The following UBE2O variants were observed in gnomAD, a reference collection of about 807,000 sequenced individuals.
UBE2O encodes (E3-independent) E2 ubiquitin-conjugating enzyme.
A neutral mutation model predicts 125.8 loss-of-function variants in UBE2O; 15 were observed. The observed-to-expected ratio is 0.12, with a 90% CI of 0.08 to 0.18. The LOEUF (loss-of-function observed/expected upper bound fraction) is 0.18. Ranked by LOEUF, UBE2O falls within the 10% of genes least tolerant of loss-of-function variation. UBE2O has a pLI of 1.00. For synonymous variants in UBE2O, 708 were observed against 703.2 expected (o/e 1.01, Z -0.11); for missense variants, 1,280 against 1,723.6 (o/e 0.74, Z 4.56).
intron 1 of UBE2O, among the ~76,000 whole-genome samples, chr17:76,408,278 C>A (rs1477974552): frequency 1.3e-5 from 2 of 152,226 alleles, no homozygotes; most frequent in Non-Finnish European, 2.9e-5. Context: ...TTTTTCGCCT[C>A]ATGCTAACCA....
At position 76,402,176 on chromosome 17, in the gene UBE2O, A is replaced by G. The variant is rs564980712; in HGVS notation, c.687-49T>C. On this transcript the variant is annotated intron_variant, in intron 4 of 17. Transcript: ENST00000319380. This position sits in a 1 kb window ranked among gnomAD's most constrained non-coding sequence, Gnocchi z 5.4. ...GTCTCCACCAGGGGACACAGTGAGT[A>G]CCAAAAAGTTGCGATTCTGAGATGC... The G allele has an allele frequency of 6.3e-6, 10 of 1,590,346 alleles. No individual in the cohort carries two copies. The East Asian group carries it at 9.0e-5, about 14-fold the overall frequency.
In UBE2O at chr17:76,399,014, A is replaced by G; in HGVS notation, c.1629-23T>C. The G allele has an allele frequency of 6.2e-7, 1 of 1,611,662 alleles. No homozygotes were observed. Among genetic ancestry groups the G allele is most frequent in the South Asian group, 1.1e-5 (1 of 90,882 alleles). On this transcript the variant is annotated intron_variant, in intron 9 of 17. Coordinates refer to ENST00000319380, the MANE Select transcript of UBE2O (RefSeq NM_022066.4). This position sits in a 1 kb window ranked among gnomAD's most constrained non-coding sequence, Gnocchi z 6.9. Reference sequence around the variant, plus strand: ...ACCCTGCGGGTGCAGGCCAGTCAGCAGGCCATGCAAACCCCACCCCCTCCG... The same window carrying G: ...ACCCTGCGGGTGCAGGCCAGTCAGCGGGCCATGCAAACCCCACCCCCTCCG...
rs766824855 is a variant in UBE2O at position 76,405,187 on chromosome 17, G to T, written c.588+19C>A. On this transcript the variant is annotated intron_variant, in intron 3 of 17. Transcript: ENST00000319380. The surrounding 1 kb of genome is among the most constrained non-coding windows in gnomAD (Gnocchi z 6.1). ...CCAGAGGGCCCAGAAAGGATGATGA[G>T]AAGACAGGGCCGGCTCACCCAGATG... 2.0e-5 allele frequency: 31 copies of T among 1,576,800 alleles called. No individual in the cohort carries two copies. Among genetic ancestry groups the T allele is most frequent in the Non-Finnish European group, 2.5e-5 (29 of 1,152,588 alleles).
chr17:76,418,341 A>C (rs1001091040), intron 1 of UBE2O, among the ~76,000 whole-genome samples: 3 of 152,192 alleles, frequency 2.0e-5, no homozygotes, highest in Non-Finnish European at 4.4e-5. Flanking sequence ...TAACAGACTA[A>C]ACTGTACTTG....
rs574632752 is a variant in UBE2O, at chr17:76,396,261, G to A, written c.2676C>T (p.Pro892=). 2.1e-5 allele frequency: 34 copies of A among 1,614,180 alleles called. No individual in the cohort carries two copies. The highest frequency in any genetic ancestry group is 1.8e-4 in the South Asian group (16 of 91,086). Residue 892 remains proline (P), a synonymous_variant, in exon 14 of 18, where the codon CCC becomes CCT. Coordinates refer to ENST00000319380, the MANE Select transcript of UBE2O (RefSeq NM_022066.4). The surrounding 1 kb of genome is among the most constrained non-coding windows in gnomAD (Gnocchi z 6.7). ...VPDVERKEDK[P]EGQSPVKAEW... is the part of the protein sequence containing the mutation. ...CAGCCTTCACAGGTGACTGCCCCTCGGGCTTGTCCTCCTTGCGCTCTACGT... is the reference window on the plus strand; with the variant it reads ...CAGCCTTCACAGGTGACTGCCCCTCAGGCTTGTCCTCCTTGCGCTCTACGT...
chr17:76,430,227 G>C (rs2072882944), intron 1 of UBE2O, among the ~76,000 whole-genome samples: 1 of 152,052 alleles, frequency 6.6e-6, no homozygotes, highest in Admixed American at 6.5e-5. Context: ...TGTCCTTGTG[G>C]GTTTATACAT....
At chr17:76,439,036 C>A (rs1009374403) in intron 1 of UBE2O, among the ~76,000 whole-genome samples, 1 of 152,164 alleles carries the variant, frequency 6.6e-6, no homozygotes, top group African/African-American at 2.4e-5. Flanking sequence ...ATGTAAAAAA[C>A]AAATCCCAAC....
At chr17:76,434,865 T>C (rs1344518805) in intron 1 of UBE2O, among the ~76,000 whole-genome samples, 3 of 151,628 alleles carry the variant, frequency 2.0e-5, no homozygotes, top group African/African-American at 4.9e-5. Flanking sequence ...ACCTCTGTTA[T>C]AGTCCTTCCA....
In UBE2O at chr17:76,446,723, A is replaced by G. The variant is rs989536561; in HGVS notation, c.417+6002T>C. ...GTTGGAGCTCCTAATGGAGCTGACC[A>G]CTTCTGAGGCAACACAGAAATGCCA... On this transcript the variant is annotated intron_variant, in intron 1 of 17. Transcript: ENST00000319380. Among the ~76,000 whole-genome samples the G allele has an allele frequency of 3.3e-5, 5 of 152,200 alleles. 1 individual carries two copies. The highest frequency in any genetic ancestry group is 2.0e-4 in the Admixed American group (3 of 15,280).
At chr17:76,439,299 C>T (rs1028768945) in intron 1 of UBE2O, among the ~76,000 whole-genome samples, 5 of 152,206 alleles carry the variant, frequency 3.3e-5, no homozygotes, top group Non-Finnish European at 5.9e-5. Flanking sequence ...TCCTGTGCAG[C>T]CTCGCCTGCC....
In UBE2O at chr17:76,399,395, C is replaced by T. The variant is rs2072275689; in HGVS notation, c.1628+54G>A. ...GGCACGCACACCGAGGGGACGCGCACTCTGCCTGGCTTCACGCTGACGCCA... is the reference window on the plus strand; with the variant it reads ...GGCACGCACACCGAGGGGACGCGCATTCTGCCTGGCTTCACGCTGACGCCA... On this transcript the variant is annotated intron_variant, in intron 9 of 17. Transcript: ENST00000319380. The surrounding 1 kb of genome is among the most constrained non-coding windows in gnomAD (Gnocchi z 6.9). 6.4e-7 allele frequency: 1 copy of T among 1,559,880 alleles called. No homozygotes were observed. The highest frequency in any genetic ancestry group is 8.8e-7 in the Non-Finnish European group (1 of 1,139,168).
At chr17:76,431,652 G>GACTA (rs5822131) in intron 1 of UBE2O, among the ~76,000 whole-genome samples, 133,835 of 151,902 alleles carry the variant, frequency 0.88, 59,104 homozygotes, top group East Asian at 1. Context: ...GGAAAAGAAA[G>GACTA]ACTATTAGGG....
chr17:76,398,478 G>C lies in UBE2O; in HGVS notation c.1890C>G (p.Asp630Glu). 6.2e-7 allele frequency: 1 copy of C among 1,614,068 alleles called. No homozygotes were observed. The highest frequency in any genetic ancestry group is 8.5e-7 in the Non-Finnish European group (1 of 1,180,006). The change falls in exon 11 of 18, where the codon GAC (aspartate) becomes GAG (glutamate). Residue 630 changes from aspartate to glutamate, a missense_variant. By Grantham distance (45) the Asp-to-Glu change is conservative. Around this residue, in one of 10 missense-constraint regions of UBE2O, gnomAD observed 145 missense variants for 219.6 expected, o/e 0.66. Coordinates refer to ENST00000319380, the MANE Select transcript of UBE2O (RefSeq NM_022066.4). The surrounding 1 kb of genome is among the most constrained non-coding windows in gnomAD (Gnocchi z 5.4). ...KWFKLRPSGDDVELIGEEEDV... is the reference protein window; with the variant it reads ...KWFKLRPSGDEVELIGEEEDV... ...CAGTAGGGGCTGCACACACCTCCAC[G>C]TCGTCCCCACTCGGCCTCAGCTTGA...
At chr17:76,392,172 C>T (rs1045526630) in intron 15 of UBE2O, 59 bp from the exon 16 acceptor site, 11 of 1,110,452 alleles carry the variant, frequency 9.9e-6, no homozygotes, top group South Asian at 5.2e-5. Flanking sequence ...GGGTGTCCTA[C>T]ATGTGGCATC....
rs1408857814 is a variant in UBE2O at position 76,400,484 on chromosome 17, C to T, written c.961G>A (p.Val321Ile). The change falls in exon 7 of 18, where the codon GTC becomes ATC. Residue 321 changes from valine (V) to isoleucine (I), a missense_variant. Transcript: ENST00000319380. The surrounding 1 kb of genome is among the most constrained non-coding windows in gnomAD (Gnocchi z 4.3). Reference protein sequence around the residue: ...KSFCPGGTDSVSPPPSVITQE... With the variant: ...KSFCPGGTDSISPPPSVITQE... ...GTGATGACAGAGGGTGGGGGGCTGA[C>T]GCTGTCCGTGCCCCCTGGACAGAAA... is the stretch of plus-strand genomic sequence containing the variant. 27 of 1,613,170 alleles carry T rather than the reference C, an allele frequency of 1.7e-5. No homozygotes were observed. The highest frequency in any genetic ancestry group is 3.3e-5 in the Admixed American group (2 of 59,900).
At position 76,399,013 on chromosome 17, in the gene UBE2O, C is replaced by T. The variant is rs777145853; in HGVS notation, c.1629-22G>A. Reference sequence around the variant, plus strand: ...CACCCTGCGGGTGCAGGCCAGTCAGCAGGCCATGCAAACCCCACCCCCTCC... The same window carrying T: ...CACCCTGCGGGTGCAGGCCAGTCAGTAGGCCATGCAAACCCCACCCCCTCC... On this transcript the variant is annotated intron_variant, in intron 9 of 17. Coordinates refer to ENST00000319380, the MANE Select transcript of UBE2O (RefSeq NM_022066.4). The surrounding 1 kb of genome is among the most constrained non-coding windows in gnomAD (Gnocchi z 6.9). 4 of 1,611,320 alleles carry T rather than the reference C, an allele frequency of 2.5e-6. No homozygotes were observed. Among genetic ancestry groups the T allele is most frequent in the Non-Finnish European group, 3.4e-6 (4 of 1,178,878 alleles).
intron 1 of UBE2O, among the ~76,000 whole-genome samples, chr17:76,420,989 T>G (rs1436127766): frequency 6.6e-6 from 1 of 152,198 alleles, no homozygotes; most frequent in Non-Finnish European, 1.5e-5. Context: ...GTCTGCTTTC[T>G]AAGCCAAGAT....
intron 1 of UBE2O, among the ~76,000 whole-genome samples, chr17:76,447,087 C>T (rs1240670733): frequency 1.3e-5 from 2 of 152,218 alleles, no homozygotes; most frequent in Non-Finnish European, 2.9e-5. Context: ...CTCTCTCCTT[C>T]CTCACTTGTA....
chr17:76,401,830 C>T (rs998089170), intron 5 of UBE2O: 6 of 334,708 alleles, frequency 1.8e-5, no homozygotes, highest in African/African-American at 4.5e-5. Context: ...GAGCCGAGAT[C>T]GCACCGTTGC....
Sources: allele counts gnomAD v4.1 joint callset (sites outside exome capture counted in the v4.1 genomes callset), GRCh38; gene constraint gnomAD v4.1.1; regional missense constraint gnomAD v4.1.1; non-coding constraint Gnocchi (gnomAD v3.1); transcripts MANE v1.5; gene names NCBI Gene and HGNC (gene_info 2026-07-23, HGNC 2026-07-21).